The following GABRG3 variants were observed in gnomAD, a reference collection of about 807,000 sequenced individuals.
GABRG3 encodes gamma-aminobutyric acid type A receptor subunit gamma3, also known as gamma-aminobutyric acid receptor subunit gamma-3.
GABRG3 carries 25 observed loss-of-function variants against 48.8 expected under a neutral mutation model. The observed-to-expected ratio is 0.51, with a 90% confidence interval of 0.37 to 0.72. GABRG3 has a LOEUF of 0.72. Among genes scored for constraint, GABRG3 ranks in the 30% least tolerant of loss-of-function variants. The pLI, the probability that GABRG3 is intolerant of heterozygous loss-of-function variation, is 0.00. For synonymous variants in GABRG3, 227 were observed against 217.6 expected, an observed-to-expected ratio of 1.04 and a Z score of -0.38; for missense variants, 394 against 577.9, an observed-to-expected ratio of 0.68 and a Z score of 3.26.
chr15:27,013,376 A>G (rs1025402558), intron 2 of GABRG3, among the ~76,000 whole-genome samples: 1 of 152,066 alleles, frequency 6.6e-6, no homozygotes, highest in African/African-American at 2.4e-5. Context: ...TTTAAGTTTA[A>G]TGTAGTCCAT....
chr15:27,044,352 C>T (rs980621468), intron 3 of GABRG3, among the ~76,000 whole-genome samples: 14 of 152,056 alleles, frequency 9.2e-5, no homozygotes, highest in Middle Eastern at 3.4e-3. Flanking sequence ...GCCCTAAACA[C>T]GGTTTTGATA....
intron 5 of GABRG3, among the ~76,000 whole-genome samples, chr15:27,371,786 T>C (rs1187963624): frequency 6.8e-6 from 1 of 148,116 alleles, no homozygotes; most frequent in Non-Finnish European, 1.5e-5. Context: ...CATATATTAA[T>C]ATTTTATATA....
intron 2 of GABRG3, among the ~76,000 whole-genome samples, chr15:27,004,884 G>A (rs1002531568): frequency 3.9e-5 from 6 of 152,234 alleles, no homozygotes; most frequent in Admixed American, 6.5e-5. Flanking sequence ...CATTGTGAGC[G>A]GGAGTCAGCT....
intron 3 of GABRG3, among the ~76,000 whole-genome samples, chr15:27,258,699 G>A (rs1890691377): frequency 6.6e-6 from 1 of 152,178 alleles, no homozygotes; most frequent in South Asian, 2.1e-4. Context: ...TCGAATCAGG[G>A]TAATTAGCAT....
At chr15:27,307,259 T>TA in intron 3 of GABRG3, among the ~76,000 whole-genome samples, 1 of 136,100 alleles carries the variant, frequency 7.3e-6, no homozygotes, top group East Asian at 2.2e-4. Flanking sequence ...ACCATGTTCA[T>TA]ATTATATGTT....
Position 27,179,831 on chromosome 15 carries a change from G to A in GABRG3, c.271-146978G>A, listed in dbSNP as rs551303842. 7.4e-4 allele frequency among the ~76,000 whole-genome samples: 112 copies of A among 152,320 alleles called. No individual in the cohort carries two copies. The highest frequency in any genetic ancestry group is 1.9e-3 in the South Asian group (9 of 4,828). ...TAATGATTAAAGGGAGGAGAGCTGC[G>A]TAGAAGAGAGACAGTGGGGTCCTCT... On this transcript the variant is annotated intron_variant, in intron 3 of 9. Coordinates refer to ENST00000615808, the MANE Select transcript of GABRG3 (RefSeq NM_033223.5). This position sits in a 1 kb window ranked among gnomAD's most constrained non-coding sequence, Gnocchi z 4.0.
chr15:27,096,666 A>G (rs1897269494), intron 3 of GABRG3, among the ~76,000 whole-genome samples: 1 of 152,170 alleles, frequency 6.6e-6, no homozygotes, highest in Non-Finnish European at 1.5e-5. Flanking sequence ...CAAATCTGGA[A>G]CCAGTTTCCA....
At chr15:27,474,313 G>A (rs1308340611) in intron 5 of GABRG3, among the ~76,000 whole-genome samples, 1 of 152,074 alleles carries the variant, frequency 6.6e-6, no homozygotes, top group Non-Finnish European at 1.5e-5. Flanking sequence ...AAATATCTGA[G>A]CATGTTTCAG....
At chr15:27,058,999 T>G (rs144461827) in intron 3 of GABRG3, among the ~76,000 whole-genome samples, 53 of 152,326 alleles carry the variant, frequency 3.5e-4, no homozygotes, top group African/African-American at 1.3e-3. Context: ...TGATTTGCCA[T>G]TTGGGGAATG....
At chr15:27,062,938 T>G (rs2140725054) in intron 3 of GABRG3, among the ~76,000 whole-genome samples, 1 of 152,332 alleles carries the variant, frequency 6.6e-6, no homozygotes, top group African/African-American at 2.4e-5. Flanking sequence ...ATCTGGGATC[T>G]TTTTGGCACT....
intron 3 of GABRG3, among the ~76,000 whole-genome samples, chr15:27,151,895 A>C (rs1007148440): frequency 2.0e-5 from 3 of 152,270 alleles, no homozygotes; most frequent in Admixed American, 6.5e-5. Context: ...TATCTATTCT[A>C]GGTACCTAGT....
chr15:27,189,777 T>C lies in GABRG3; in HGVS notation c.271-137032T>C, dbSNP rs544363732. ...CCAACACTATGTTGAATAGGAGTGGTGAGACAGGGCATCCCTGTCTTGTGC... is the reference window on the plus strand; with the variant it reads ...CCAACACTATGTTGAATAGGAGTGGCGAGACAGGGCATCCCTGTCTTGTGC... On this transcript the variant is annotated intron_variant, in intron 3 of 9. Coordinates refer to ENST00000615808, the MANE Select transcript of GABRG3 (RefSeq NM_033223.5). Among the ~76,000 whole-genome samples, 7 of 152,324 alleles carry C rather than the reference T, an allele frequency of 4.6e-5. No individual in the cohort carries two copies. In the East Asian group the frequency reaches 1.2e-3, roughly 25 times the overall value.
chr15:27,256,095 C>G (rs1202646356), intron 3 of GABRG3, among the ~76,000 whole-genome samples: 1 of 152,064 alleles, frequency 6.6e-6, no homozygotes, highest in Non-Finnish European at 1.5e-5. Flanking sequence ...ATCCAATCAC[C>G]AGGGTCTTTG....
chr15:27,532,511 A>G, intron 9 of GABRG3, 89 bp from the exon 10 acceptor site: 1 of 1,254,538 alleles, frequency 8.0e-7, no homozygotes, highest in Non-Finnish European at 1.1e-6. Context: ...TATAGGAGAC[A>G]GATGTAATAT....
intron 3 of GABRG3, among the ~76,000 whole-genome samples, chr15:27,079,918 G>T (rs1277678127): frequency 6.6e-6 from 1 of 152,100 alleles, no homozygotes; most frequent in East Asian, 1.9e-4. Context: ...CTGGAAGAAA[G>T]GTATCCTCCC....
chr15:27,097,285 T>G (rs1897281272), intron 3 of GABRG3, among the ~76,000 whole-genome samples: 1 of 152,058 alleles, frequency 6.6e-6, no homozygotes, highest in Non-Finnish European at 1.5e-5. Flanking sequence ...AGGCTGCAGA[T>G]GTTTTGAGGC....
rs1477889177 is a variant in GABRG3 at position 27,056,369 on chromosome 15, AAAAAG to A, written c.270+29558_270+29562del. On this transcript the variant is annotated intron_variant, in intron 3 of 9. Coordinates refer to ENST00000615808, the MANE Select transcript of GABRG3 (RefSeq NM_033223.5). ...CCCTGTCTCCAAAAAAAAAAAAAAA[AAAAAG>A]AAAAGAAAAAAGAAAATAAACATAC... Among the ~76,000 whole-genome samples, 387 of 149,824 alleles carry A rather than the reference AAAAAG, an allele frequency of 2.6e-3. 2 individuals carry two copies. Among genetic ancestry groups the A allele is most frequent in the Middle Eastern group, 3.5e-3 (1 of 288 alleles).
At chr15:27,241,400 A>T (rs530176479) in intron 3 of GABRG3, among the ~76,000 whole-genome samples, 1 of 152,324 alleles carries the variant, frequency 6.6e-6, no homozygotes, top group African/African-American at 2.4e-5. Flanking sequence ...TGTTATACAA[A>T]CCAGTAAAGG....
intron 5 of GABRG3, among the ~76,000 whole-genome samples, chr15:27,367,472 C>A (rs1289731107): frequency 6.6e-6 from 1 of 152,142 alleles, no homozygotes; most frequent in African/African-American, 2.4e-5. Flanking sequence ...GAGAATACCA[C>A]ATTTTTTTTC....
Sources: allele counts gnomAD v4.1 joint callset (sites outside exome capture counted in the v4.1 genomes callset), GRCh38; gene constraint gnomAD v4.1.1; non-coding constraint Gnocchi (gnomAD v3.1); transcripts MANE v1.5; gene names NCBI Gene and HGNC (gene_info 2026-07-23, HGNC 2026-07-21).